GPCPD1: variants seen among roughly 807,000 people sequenced by gnomAD.
GPCPD1 encodes glycerophosphocholine phosphodiesterase 1, also known as glycerophosphocholine phosphodiesterase GPCPD1.
A neutral mutation model predicts 89.2 loss-of-function variants in GPCPD1; 29 were observed. The observed-to-expected ratio is 0.33, with a 90% CI of 0.24 to 0.44. The LOEUF is 0.44. Ranked by LOEUF, GPCPD1 falls within the 20% of genes least tolerant of loss-of-function variation. The pLI, the probability that GPCPD1 is intolerant of heterozygous loss-of-function variation, is 1.00. For synonymous variants in GPCPD1, 258 were observed against 266.3 expected (o/e 0.97, Z 0.30); for missense variants, 594 against 808.9 (o/e 0.73, Z 3.22).
intron 7 of GPCPD1, among the ~76,000 whole-genome samples, chr20:5,579,141 C>T (rs1978317042): frequency 6.6e-6 from 1 of 152,068 alleles, no homozygotes; most frequent in Admixed American, 6.5e-5. Context: ...GCCGAGATTG[C>T]ACCACTGTAC....
At position 5,598,788 on chromosome 20, in the gene GPCPD1, G is replaced by T. The variant is rs913010081; in HGVS notation, c.83C>A (p.Ala28Asp). ...ATTTTGAGGATTCCAGTTTCCCAAAGCATCACAGCTTCCACATATCGCAAA... is the reference window on the plus strand; with the variant it reads ...ATTTTGAGGATTCCAGTTTCCCAAATCATCACAGCTTCCACATATCGCAAA... Reference protein sequence around the residue: ...EVFAICGSCDALGNWNPQNAV... With the variant: ...EVFAICGSCDDLGNWNPQNAV... Residue 28 changes from alanine (A) to aspartate (D), a missense_variant, in exon 3 of 20, where the codon GCT becomes GAT. By Grantham distance (126) the Ala-to-Asp change is moderately radical. Coordinates refer to ENST00000379019, the MANE Select transcript of GPCPD1 (RefSeq NM_019593.5). The T allele has an allele frequency of 2.5e-6, 4 of 1,612,868 alleles. No individual in the cohort carries two copies. In the African/African-American group the frequency reaches 5.3e-5, roughly 22 times the overall value.
At chr20:5,580,172 T>G (rs1436461181) in intron 6 of GPCPD1, 41 bp from the exon 7 acceptor site, 3 of 1,158,438 alleles carry the variant, frequency 2.6e-6, no homozygotes, top group Non-Finnish European at 2.5e-6. Flanking sequence ...ATTATACATG[T>G]TTTTTTAAAC....
At chr20:5,591,647 T>C (rs900125131) in intron 4 of GPCPD1, among the ~76,000 whole-genome samples, 18 of 152,254 alleles carry the variant, frequency 1.2e-4, no homozygotes, top group African/African-American at 4.3e-4. Context: ...GCCTTGCACA[T>C]TACTTCTATT....
At chr20:5,600,904 C>T (rs1444452855) in intron 2 of GPCPD1, among the ~76,000 whole-genome samples, 2 of 151,972 alleles carry the variant, frequency 1.3e-5, no homozygotes, top group Non-Finnish European at 2.9e-5. Flanking sequence ...GCAGGAGAAT[C>T]GCTTGAACCT....
intron 2 of GPCPD1, among the ~76,000 whole-genome samples, chr20:5,601,392 G>A (rs1272740198): frequency 3.3e-5 from 4 of 120,970 alleles, no homozygotes; most frequent in Admixed American, 3.0e-4. Context: ...TTTTTGAGAT[G>A]GAGTCTTGCT....
chr20:5,548,560 A>G (rs1371048209), intron 19 of GPCPD1, among the ~76,000 whole-genome samples: 1 of 152,220 alleles, frequency 6.6e-6, no homozygotes, highest in East Asian at 1.9e-4. Context: ...GAGAATGAAA[A>G]ATGACCTCTG....
At chr20:5,575,213 C>A (rs1978286363) in intron 10 of GPCPD1, among the ~76,000 whole-genome samples, 200 bp downstream of exon 10, 1 of 152,186 alleles carries the variant, frequency 6.6e-6, no homozygotes, top group Non-Finnish European at 1.5e-5. Context: ...CTTTTAATGT[C>A]TTCCTCCTTA....
chr20:5,607,892 C>G lies in GPCPD1; in HGVS notation c.-29+2950G>C, dbSNP rs564872963. ...TTAAGAGAGCAAATACTCTATCACC[C>G]ATCAAAAGAGCTGAATGACCACTTC... On this transcript the variant is annotated intron_variant, in intron 1 of 19. Coordinates refer to ENST00000379019, the MANE Select transcript of GPCPD1 (RefSeq NM_019593.5). 3.3e-5 allele frequency among the ~76,000 whole-genome samples: 5 copies of G among 151,940 alleles called. No homozygotes were observed. In the East Asian group the frequency reaches 9.7e-4, roughly 29 times the overall value.
chr20:5,558,378 C>T (rs12625259), intron 18 of GPCPD1, among the ~76,000 whole-genome samples: 22,453 of 152,068 alleles, frequency 0.15, 1,785 homozygotes, highest in South Asian at 0.19. Flanking sequence ...AACAAGTTCA[C>T]GTTCATCTGT....
At chr20:5,576,508 A>T (rs1978289316) in intron 8 of GPCPD1, among the ~76,000 whole-genome samples, 1 of 152,096 alleles carries the variant, frequency 6.6e-6, no homozygotes, top group African/African-American at 2.4e-5. Flanking sequence ...GGTAGAACTG[A>T]TAAGAGATAC....
intron 2 of GPCPD1, among the ~76,000 whole-genome samples, chr20:5,601,017 A>AT (rs945262392): frequency 2.0e-5 from 3 of 151,848 alleles, no homozygotes; most frequent in Non-Finnish European, 4.4e-5. Context: ...AATAAAATAG[A>AT]TAAAAACACA....
rs780767795 is a variant in GPCPD1 at position 5,570,228 on chromosome 20, A to G, written c.1068T>C (p.Phe356=). The change falls in exon 12 of 20, where the codon TTT becomes TTC. Residue 356 remains phenylalanine (F), a synonymous_variant. Coordinates refer to ENST00000379019, the MANE Select transcript of GPCPD1 (RefSeq NM_019593.5). ...LRNAASHGAA[F]VEFDVHLSKD... Reference sequence around the variant, plus strand: ...TTGAAAGGTGTACGTCAAATTCTACAAAGGCTGCACCCTGACAGAAGGAAG... The same window carrying G: ...TTGAAAGGTGTACGTCAAATTCTACGAAGGCTGCACCCTGACAGAAGGAAG... The G allele has an allele frequency of 5.1e-6, 8 of 1,566,418 alleles. No homozygotes were observed. The South Asian group carries it at 8.9e-5, about 17-fold the overall frequency.
intron 19 of GPCPD1, among the ~76,000 whole-genome samples, chr20:5,556,500 G>A (rs563211399): frequency 2.7e-4 from 41 of 152,198 alleles, no homozygotes; most frequent in African/African-American, 7.9e-4. Context: ...CACTGCGCCC[G>A]GCCTAAACAT....
At position 5,571,961 on chromosome 20, in the gene GPCPD1, TG is replaced by T. The variant is rs536110559; in HGVS notation, c.1057-1723del. Among the ~76,000 whole-genome samples, 64 of 150,730 alleles carry T rather than the reference TG, an allele frequency of 4.2e-4. No homozygotes were observed. In the East Asian group the frequency reaches 0.011, roughly 25 times the overall value. On this transcript the variant is annotated intron_variant, in intron 11 of 19. Coordinates refer to ENST00000379019, the MANE Select transcript of GPCPD1 (RefSeq NM_019593.5). ...TCACACCGGCATGATGGTTCATGCC[TG>T]TAATCTTAGCACTTAGGGAGGCCAA...
intron 19 of GPCPD1, chr20:5,548,997 G>A: frequency 1.2e-6 from 1 of 805,484 alleles, no homozygotes; most frequent in Non-Finnish European, 2.0e-6. Context: ...AGCAAAACTT[G>A]ACAAGCAAAC....
At chr20:5,561,256 A>C (rs1034070770) in intron 16 of GPCPD1, among the ~76,000 whole-genome samples, 1 of 152,252 alleles carries the variant, frequency 6.6e-6, no homozygotes, top group Non-Finnish European at 1.5e-5. Context: ...AAATTTCTAC[A>C]ATATTCATCA....
At chr20:5,547,902 C>T (rs1985121977) in intron 19 of GPCPD1, 52 bp from the exon 20 acceptor site, 3 of 950,170 alleles carry the variant, frequency 3.2e-6, no homozygotes, top group East Asian at 5.3e-5. Context: ...TTATGGTTTA[C>T]CTAAGACCTG....
intron 6 of GPCPD1, 62 bp downstream of exon 6, chr20:5,584,219 G>T: frequency 1.2e-6 from 1 of 812,722 alleles, no homozygotes; most frequent in South Asian, 1.5e-5. Flanking sequence ...TAACTCCAGT[G>T]AAATGTAAAG....
intron 1 of GPCPD1, among the ~76,000 whole-genome samples, chr20:5,609,564 C>T (rs6107660): frequency 0.1 from 15,771 of 151,982 alleles, 1,464 homozygotes; most frequent in African/African-American, 0.24. Flanking sequence ...TGTTTCATAC[C>T]TTTTTTCCTG....
Sources: gnomAD v4.1 joint callset for allele counts (sites outside exome capture counted in the v4.1 genomes callset) on GRCh38, gnomAD v4.1.1 for gene constraint, MANE v1.5 for transcripts, NCBI Gene and HGNC (gene_info 2026-07-23, HGNC 2026-07-21) for gene names.